The following CYP2C19 variants were observed in gnomAD, a reference collection of about 807,000 sequenced individuals.
CYP2C19 encodes the protein cytochrome P450 2C19.
A neutral mutation model predicts 40.9 loss-of-function variants in CYP2C19; 59 were observed. The observed-to-expected ratio is 1.44, with a 90% CI of 1.17 to 1.79. The LOEUF (loss-of-function observed/expected upper bound fraction) is 1.79. Ranked by LOEUF, CYP2C19 falls within the 40% of genes most tolerant of loss-of-function variation. CYP2C19 has a pLI of 0.00. For synonymous variants in CYP2C19, 253 were observed against 208.7 expected (o/e 1.21, Z -1.83); for missense variants, 754 against 596.9 (o/e 1.26, Z -2.74).
intron 6 of CYP2C19, among the ~76,000 whole-genome samples, chr10:94,836,664 G>C (rs987261952): frequency 6.6e-6 from 1 of 152,224 alleles, no homozygotes; most frequent in African/African-American, 2.4e-5. Flanking sequence ...GGATAAGCCA[G>C]AATAAGCTGG....
At chr10:94,791,536 A>T (rs1392111818) in intron 5 of CYP2C19, among the ~76,000 whole-genome samples, 1 of 152,048 alleles carries the variant, frequency 6.6e-6, no homozygotes, top group Non-Finnish European at 1.5e-5. Context: ...CACTGCTTTA[A>T]ATGTGTCCCA....
chr10:94,814,528 T>C (rs1407553780), intron 5 of CYP2C19, among the ~76,000 whole-genome samples: 2 of 151,474 alleles, frequency 1.3e-5, no homozygotes, highest in African/African-American at 2.4e-5. Context: ...TTTTGATAGA[T>C]GCATTGTGAT....
chr10:94,847,491 G>A (rs1409371188), intron 7 of CYP2C19, among the ~76,000 whole-genome samples: 1 of 152,090 alleles, frequency 6.6e-6, no homozygotes, highest in Non-Finnish European at 1.5e-5. Context: ...TGGATATTTG[G>A]GTTGATTCCA....
At chr10:94,801,139 T>C (rs985985394) in intron 5 of CYP2C19, among the ~76,000 whole-genome samples, 1 of 152,182 alleles carries the variant, frequency 6.6e-6, no homozygotes, top group Non-Finnish European at 1.5e-5. Context: ...CTGTTCCTAT[T>C]TGGCCATCTT....
intron 5 of CYP2C19, among the ~76,000 whole-genome samples, chr10:94,794,305 T>A (rs1848652191): frequency 1.3e-5 from 2 of 152,024 alleles, no homozygotes; most frequent in Admixed American, 1.3e-4. Context: ...CCCTTGTGCC[T>A]CCCAGGTGAG....
chr10:94,844,782 C>T (rs1030613190), intron 7 of CYP2C19, among the ~76,000 whole-genome samples: 1 of 152,180 alleles, frequency 6.6e-6, no homozygotes, highest in African/African-American at 2.4e-5. Context: ...AAGGCTTTCG[C>T]TTCTCAAAAT....
intron 1 of CYP2C19, among the ~76,000 whole-genome samples, chr10:94,763,196 T>C (rs944770559): frequency 2.0e-5 from 3 of 152,174 alleles, no homozygotes; most frequent in African/African-American, 7.2e-5. Flanking sequence ...AGGGAAGTGT[T>C]TGTTATTAGA....
At chr10:94,773,466 A>T (rs1848363393) in intron 1 of CYP2C19, among the ~76,000 whole-genome samples, 1 of 152,046 alleles carries the variant, frequency 6.6e-6, no homozygotes, top group South Asian at 2.1e-4. Flanking sequence ...GCACATCCAG[A>T]GTTGTTCATT....
At chr10:94,766,476 C>T (rs745857584) in intron 1 of CYP2C19, among the ~76,000 whole-genome samples, 17 of 151,978 alleles carry the variant, frequency 1.1e-4, no homozygotes, top group Non-Finnish European at 2.2e-4. Context: ...GATTTTCATC[C>T]CAGCAGGAGC....
intron 5 of CYP2C19, among the ~76,000 whole-genome samples, chr10:94,797,902 T>C (rs1305447616): frequency 6.6e-6 from 1 of 152,134 alleles, no homozygotes; most frequent in East Asian, 1.9e-4. Context: ...TTAGTCTTCC[T>C]AGTGGTCTAT....
intron 1 of CYP2C19, among the ~76,000 whole-genome samples, chr10:94,765,499 G>A (rs1016092424): frequency 4.6e-5 from 7 of 152,096 alleles, no homozygotes; most frequent in African/African-American, 1.7e-4. Flanking sequence ...GGTAGCTCTG[G>A]TGAGTGGCTG....
intron 5 of CYP2C19, among the ~76,000 whole-genome samples, chr10:94,815,423 G>T (rs762787894): frequency 1.3e-5 from 2 of 152,174 alleles, no homozygotes; most frequent in Non-Finnish European, 2.9e-5. Context: ...ATGATCTCTT[G>T]TACTCAGTAT....
intron 1 of CYP2C19, among the ~76,000 whole-genome samples, chr10:94,769,927 G>T (rs188660436): frequency 2.0e-5 from 3 of 152,240 alleles, no homozygotes; most frequent in Non-Finnish European, 2.9e-5. Context: ...CTTAATAAGG[G>T]TGTGGGACTT....
At chr10:94,798,174 G>T (rs1054799766) in intron 5 of CYP2C19, among the ~76,000 whole-genome samples, 2 of 152,084 alleles carry the variant, frequency 1.3e-5, no homozygotes, top group African/African-American at 2.4e-5. Flanking sequence ...GTGTCCCAGA[G>T]ATTCTAGTAT....
chr10:94,779,818 C>T (rs1341366929), intron 3 of CYP2C19, among the ~76,000 whole-genome samples: 2 of 152,048 alleles, frequency 1.3e-5, no homozygotes, highest in Non-Finnish European at 2.9e-5. Flanking sequence ...CCTTGGCCTC[C>T]CAAAGTGCTG....
intron 1 of CYP2C19, among the ~76,000 whole-genome samples, chr10:94,771,469 T>G (rs2134233600): frequency 1.3e-5 from 2 of 152,282 alleles, no homozygotes; most frequent in Middle Eastern, 3.4e-3. Context: ...ATGGTCAAGT[T>G]GCAGGATAGC....
chr10:94,838,686 G>A (rs554597612), intron 6 of CYP2C19, among the ~76,000 whole-genome samples: 60 of 152,140 alleles, frequency 3.9e-4, no homozygotes, highest in Middle Eastern at 6.8e-3. Flanking sequence ...AAGGAGTCAG[G>A]GGGACACTGG....
At chr10:94,821,533 G>A (rs1357700675) in intron 6 of CYP2C19, among the ~76,000 whole-genome samples, 1 of 152,130 alleles carries the variant, frequency 6.6e-6, no homozygotes, top group Admixed American at 6.5e-5. Flanking sequence ...TTCCATTTAG[G>A]CAGAAGATGT....
intron 6 of CYP2C19, among the ~76,000 whole-genome samples, chr10:94,832,364 G>C (rs1032642152): frequency 3.3e-5 from 5 of 152,184 alleles, no homozygotes; most frequent in African/African-American, 1.2e-4. Flanking sequence ...AGAGATCTTT[G>C]CAGGGGAAGT....
Sources: allele counts gnomAD v4.1 joint callset (sites outside exome capture counted in the v4.1 genomes callset), GRCh38; gene constraint gnomAD v4.1.1; transcripts MANE v1.5; gene names NCBI Gene and HGNC (gene_info 2026-07-23, HGNC 2026-07-21).